The following ISOC2 variants were observed in gnomAD, a reference collection of about 807,000 sequenced individuals.
The protein encoded by ISOC2 is isochorismatase domain containing 2.
ISOC2 carries 15 observed loss-of-function variants against 19.3 expected under a neutral mutation model. The observed-to-expected ratio is 0.78, with a 90% confidence interval of 0.52 to 1.20. The LOEUF (loss-of-function observed/expected upper bound fraction) is 1.20, where lower values mean the gene tolerates loss of function less well. Among genes scored for constraint, ISOC2 ranks in the 50% most tolerant of loss-of-function variants. The pLI is 0.00. For synonymous variants in ISOC2, 106 were observed against 115.8 expected (o/e 0.92, Z 0.54); for missense variants, 285 against 272.4 (o/e 1.05, Z -0.33).
In ISOC2 at chr19:55,455,669, C is replaced by T. The variant is rs770251571; in HGVS notation, c.315G>A (p.Leu105=). 3.1e-6 allele frequency: 5 copies of T among 1,609,346 alleles called. No homozygotes were observed. The highest frequency in any genetic ancestry group is 2.5e-6 in the Non-Finnish European group (3 of 1,177,504). Residue 105 remains leucine (L), a synonymous_variant, in exon 3 of 6, where the codon CTG becomes CTA. Transcript: ENST00000425675. ...LDSRPQLRSV[L]LCGIEAQACI... is the part of the protein sequence containing the mutation. ...AGGCCTGTGCCTCAATGCCACAGAG[C>T]AGCACAGAGCGCAGCTGGGGCCGAC...
chr19:55,455,220 T>A lies in ISOC2; in HGVS notation c.419+40A>T, dbSNP rs372694914. 3 of 1,572,068 alleles carry A rather than the reference T, an allele frequency of 1.9e-6. No homozygotes were observed. In the African/African-American group the frequency reaches 4.1e-5, roughly 21 times the overall value. The stretch of plus-strand genomic sequence containing the variant: ...TGTGGCCCTTCCTGGGAGCCCCTGA[T>A]GGCCCCCACGTGCACCCACCCAGGC... On this transcript the variant is annotated intron_variant, in intron 4 of 5. Transcript: ENST00000425675.
In ISOC2 at chr19:55,455,740, T is replaced by C. The variant is rs1986032340; in HGVS notation, c.244A>G (p.Lys82Glu). The C allele has an allele frequency of 6.2e-7, 1 of 1,602,840 alleles. No homozygotes were observed. Among genetic ancestry groups the C allele is most frequent in the Non-Finnish European group, 8.5e-7 (1 of 1,175,444 alleles). Residue 82 changes from lysine to glutamate, a missense_variant, in exon 3 of 6, where the codon AAG becomes GAG. Physicochemically the swap from Lys to Glu is moderately conservative, Grantham distance 56. Coordinates refer to ENST00000425675, the MANE Select transcript of ISOC2 (RefSeq NM_001136201.2). Reference sequence around the variant, plus strand: ...GCAGGCACCATGCTGAAGCAGGTCTTGGCCAGCGGCCGAAGGCCCTCAGTC... The same window carrying C: ...GCAGGCACCATGCTGAAGCAGGTCTCGGCCAGCGGCCGAAGGCCCTCAGTC... ...LGTEGLRPLAKTCFSMVPALQ... is the reference protein window; with the variant it reads ...LGTEGLRPLAETCFSMVPALQ...
At position 55,455,303 on chromosome 19, in the gene ISOC2, C is replaced by T. The variant is rs202116366; in HGVS notation, c.376G>A (p.Gly126Arg). 144 of 1,613,830 alleles carry T rather than the reference C, an allele frequency of 8.9e-5. 1 individual carries two copies. The highest frequency in any genetic ancestry group is 1.2e-4 in the Non-Finnish European group (141 of 1,179,932). ...TCCACCACCACATGGACCTGCAGCCCCCGGTCTAGGAGGTCCAGGGTCGTG... is the reference window on the plus strand; with the variant it reads ...TCCACCACCACATGGACCTGCAGCCTCCGGTCTAGGAGGTCCAGGGTCGTG... ...LNTTLDLLDR[G>R]LQVHVVVDAC... Residue 126 changes from glycine to arginine, a missense_variant, in exon 4 of 6, where the codon GGG (glycine) becomes AGG (arginine). Gly to Arg is a moderately radical substitution (Grantham distance 125, BLOSUM62 -2). Coordinates refer to ENST00000425675, the MANE Select transcript of ISOC2 (RefSeq NM_001136201.2).
rs760012583 is a variant in ISOC2 at position 55,455,332 on chromosome 19, T to C, written c.349-2A>G. 6.2e-7 allele frequency: 1 copy of C among 1,614,094 alleles called. No homozygotes were observed. The highest frequency in any genetic ancestry group is 8.5e-7 in the Non-Finnish European group (1 of 1,179,976). ...GTCTAGGAGGTCCAGGGTCGTGTTC[T>C]GTGGGTAGAGAGAGGTCAGGGCCAA... On this transcript the variant is annotated splice_acceptor_variant, in intron 3 of 5. Transcript: ENST00000425675. LOFTEE classifies it high-confidence loss of function.
rs1409226049 is a variant in ISOC2 at position 55,457,432 on chromosome 19, G to GTT, written c.-3-944_-3-943insAA. 5.3e-5 allele frequency among the ~76,000 whole-genome samples: 8 copies of GTT among 152,224 alleles called. No homozygotes were observed. In the East Asian group the frequency reaches 1.5e-3, roughly 29 times the overall value. ...TGCCTGTAACCCAGCTGCTCGGGAG[G>GTT]CTGAGGCAGGAGAATCGCTTGAAGC... On this transcript the variant is annotated intron_variant, in intron 1 of 5. Transcript: ENST00000425675.
intron 1 of ISOC2, among the ~76,000 whole-genome samples, chr19:55,456,783 CACA>C (rs1555756248): frequency 6.6e-6 from 1 of 152,172 alleles, no homozygotes; most frequent in Non-Finnish European, 1.5e-5. Flanking sequence ...GAGGACTGTG[CACA>C]ACGTCAAGGA....
At chr19:55,459,390 A>C (rs944096807) in intron 1 of ISOC2, among the ~76,000 whole-genome samples, 1 of 152,152 alleles carries the variant, frequency 6.6e-6, no homozygotes, top group Non-Finnish European at 1.5e-5. Flanking sequence ...CTCCCTCTGA[A>C]ACAAAACCAC....
At chr19:55,460,571 C>CAGGACA (rs1353219337) in intron 1 of ISOC2, among the ~76,000 whole-genome samples, 2 of 152,202 alleles carry the variant, frequency 1.3e-5, no homozygotes, top group Non-Finnish European at 2.9e-5. Context: ...CGTCAGAAGC[C>CAGGACA]AGGACAGTGA....
At position 55,453,186 on chromosome 19, in the gene ISOC2, C is replaced by CA. The variant is rs1400137476; in HGVS notation, c.*121_*122insT. On this transcript the variant is annotated 3_prime_UTR_variant, in exon 6 of 6. Transcript: ENST00000425675. ...ATGGGAAGGCAGCACCCTGCCCCCCCCACAAGGGGGCGGCACTCCTGGTGG... is the reference window on the plus strand; with the variant it reads ...ATGGGAAGGCAGCACCCTGCCCCCCCACACAAGGGGGCGGCACTCCTGGTGG... 2 of 625,760 alleles carry CA rather than the reference C, an allele frequency of 3.2e-6. No homozygotes were observed. Among genetic ancestry groups the CA allele is most frequent in the East Asian group, 3.3e-5 (1 of 29,888 alleles). 38.8% of individuals were successfully genotyped at this position (625,760 alleles called of 1,614,324 possible). A position where few individuals can be genotyped will look rare whatever the true frequency, so the allele number is the denominator to read the frequency against.
chr19:55,458,919 C>G (rs1291323394), intron 1 of ISOC2, among the ~76,000 whole-genome samples: 2 of 151,858 alleles, frequency 1.3e-5, no homozygotes, highest in South Asian at 2.1e-4. Context: ...AACCCTCCTG[C>G]CTTGGCCTCC....
At chr19:55,456,927 C>T (rs1294693247) in intron 1 of ISOC2, among the ~76,000 whole-genome samples, 3 of 152,132 alleles carry the variant, frequency 2.0e-5, no homozygotes, top group African/African-American at 7.2e-5. Context: ...CCGCCCTGGT[C>T]ACCATCAGCC....
rs1390522869 is a variant in ISOC2 at position 55,453,098 on chromosome 19, G to A, written c.*210C>T. ...CGGGGCCGAGCCCCGCCTCCATCTTGGCTCAGCCAATTCCCACCCAGTTTC... is the reference window on the plus strand; with the variant it reads ...CGGGGCCGAGCCCCGCCTCCATCTTAGCTCAGCCAATTCCCACCCAGTTTC... On this transcript the variant is annotated 3_prime_UTR_variant, in exon 6 of 6. Transcript: ENST00000425675. 6 of 506,440 alleles carry A rather than the reference G, an allele frequency of 1.2e-5. No homozygotes were observed. The highest frequency in any genetic ancestry group is 2.9e-5 in the South Asian group (1 of 34,116). 31.4% of individuals were successfully genotyped at this position (506,440 alleles called of 1,614,324 possible).
intron 1 of ISOC2, among the ~76,000 whole-genome samples, chr19:55,459,238 A>G (rs1253889995): frequency 6.6e-6 from 1 of 152,184 alleles, no homozygotes; most frequent in Non-Finnish European, 1.5e-5. Context: ...CGCCTGGCCT[A>G]TTATTCTTTG....
At chr19:55,456,542 C>CT (rs1986069352) in intron 1 of ISOC2, 53 bp from the exon 2 acceptor site, 2 of 1,594,916 alleles carry the variant, frequency 1.3e-6, no homozygotes, top group Middle Eastern at 1.7e-4. Flanking sequence ...CTCTCAGTGT[C>CT]TCCAGCTGGC....
At chr19:55,460,979 G>A (rs1022412483) in intron 1 of ISOC2, among the ~76,000 whole-genome samples, 1 of 152,164 alleles carries the variant, frequency 6.6e-6, no homozygotes, top group Non-Finnish European at 1.5e-5. Context: ...GGATCCCGGG[G>A]AGGGGAACTG....
chr19:55,455,420 C>A (rs1986018108), intron 3 of ISOC2, 90 bp from the exon 4 acceptor site: 1 of 1,527,482 alleles, frequency 6.5e-7, no homozygotes, highest in Non-Finnish European at 9.1e-7. Context: ...ATTAGGGGCC[C>A]AGAATGGGGA....
At chr19:55,458,610 G>C (rs1175432582) in intron 1 of ISOC2, among the ~76,000 whole-genome samples, 1 of 151,008 alleles carries the variant, frequency 6.6e-6, no homozygotes, top group Non-Finnish European at 1.5e-5. Context: ...CTCACTGCAA[G>C]CTCTGCCTCC....
intron 5 of ISOC2, chr19:55,454,782 CAT>C: frequency 3.4e-6 from 2 of 590,994 alleles, no homozygotes; most frequent in Admixed American, 3.0e-5. Context: ...TTGCCTCCCC[CAT>C]TTTATTGTTC....
intron 1 of ISOC2, among the ~76,000 whole-genome samples, chr19:55,459,538 C>T (rs1217150321): frequency 6.6e-6 from 1 of 152,130 alleles, no homozygotes; most frequent in Admixed American, 6.5e-5. Context: ...AAAGCTATTA[C>T]TCCCCTGTCT....
Sources: gnomAD v4.1 joint callset for allele counts (sites outside exome capture counted in the v4.1 genomes callset) on GRCh38, gnomAD v4.1.1 for gene constraint, MANE v1.5 for transcripts, NCBI Gene and HGNC (gene_info 2026-07-23, HGNC 2026-07-21) for gene names.